The following DNM3 variants were observed in gnomAD, a reference collection of about 807,000 sequenced individuals.
The protein encoded by DNM3 is dynamin 3, also known as dynamin-3.
In DNM3, 47 loss-of-function variants were observed where a neutral mutation model predicts 101.6. The ratio of observed to expected loss-of-function variants is 0.46; its 90% confidence interval spans 0.37 to 0.59. The LOEUF (loss-of-function observed/expected upper bound fraction) is 0.59. DNM3 is among the 20% of genes least tolerant of loss of function. The probability of loss-of-function intolerance (pLI) is 0.00; values close to 1 mark genes in which losing one functional copy is unlikely to be tolerated. For missense variants in DNM3, 849 were observed against 1,085.7 expected (o/e 0.78, Z 3.06); for synonymous variants, 385 against 387.9 (o/e 0.99, Z 0.09).
At chr1:172,317,322 A>T (rs1177155698) in intron 16 of DNM3, among the ~76,000 whole-genome samples, 1 of 151,732 alleles carries the variant, frequency 6.6e-6, no homozygotes, top group Non-Finnish European at 1.5e-5. Flanking sequence ...CATCACAATT[A>T]AAAGAACTAG....
chr1:172,111,012 A>G (rs2055432594), intron 13 of DNM3, among the ~76,000 whole-genome samples: 1 of 152,238 alleles, frequency 6.6e-6, no homozygotes, highest in South Asian at 2.1e-4. Flanking sequence ...CTCCAGCCTG[A>G]GTGACAGAAT....
chr1:172,408,759 T>A lies in DNM3; in HGVS notation c.*918T>A, dbSNP rs958970797. On this transcript the variant is annotated 3_prime_UTR_variant, in exon 21 of 21. Coordinates refer to ENST00000627582, the MANE Select transcript of DNM3 (RefSeq NM_015569.5). ...TTATTATTTTGGTTGGAAAAAAAAT[T>A]CACTCTTTACGTGCTAATTTGTAAT... 3.0e-5 allele frequency: 30 copies of A among 985,160 alleles called. No homozygotes were observed. The highest frequency in any genetic ancestry group is 3.5e-5 in the Non-Finnish European group (29 of 829,824). The allele number at this position is 985,160 out of a possible 1,614,324, so 61.0% of individuals were successfully genotyped here.
intron 17 of DNM3, among the ~76,000 whole-genome samples, chr1:172,364,339 T>A (rs1022351639): frequency 2.6e-5 from 4 of 151,858 alleles, no homozygotes; most frequent in African/African-American, 9.7e-5. Flanking sequence ...GTATCTAGTC[T>A]GCATGTCAGT....
rs2049111613 is a variant in DNM3 at position 172,038,275 on chromosome 1, A to G, written c.850-44A>G. The G allele has an allele frequency of 5.0e-6, 8 of 1,609,608 alleles. No individual in the cohort carries two copies. In the Admixed American group the frequency reaches 8.4e-5, roughly 17 times the overall value. Reference sequence around the variant, plus strand: ...ATGAGTTAATCTTTAATCTGTGTATATGATTCAATCTTCAATCTGTGTGTA... The same window carrying G: ...ATGAGTTAATCTTTAATCTGTGTATGTGATTCAATCTTCAATCTGTGTGTA... On this transcript the variant is annotated intron_variant, in intron 6 of 20. Coordinates refer to ENST00000627582, the MANE Select transcript of DNM3 (RefSeq NM_015569.5).
intron 20 of DNM3, among the ~76,000 whole-genome samples, chr1:172,402,836 TC>T (rs1419493440): frequency 2.0e-5 from 3 of 152,226 alleles, no homozygotes; most frequent in Non-Finnish European, 4.4e-5. Flanking sequence ...CATTTCTTCA[TC>T]CTTCTTAAGA....
At chr1:172,119,627 A>G (rs1277345725) in intron 13 of DNM3, among the ~76,000 whole-genome samples, 1 of 152,010 alleles carries the variant, frequency 6.6e-6, no homozygotes, top group Non-Finnish European at 1.5e-5. Context: ...TCACACCCAC[A>G]GTTTTATTTA....
At chr1:172,253,943 A>AT (rs954369918) in intron 15 of DNM3, among the ~76,000 whole-genome samples, 45 of 148,702 alleles carry the variant, frequency 3.0e-4, no homozygotes, top group East Asian at 1.4e-3. Context: ...TTCTTCATCC[A>AT]TTTTTTTTTT....
At chr1:172,193,749 C>G (rs1285951396) in intron 14 of DNM3, among the ~76,000 whole-genome samples, 1 of 152,046 alleles carries the variant, frequency 6.6e-6, no homozygotes, top group Non-Finnish European at 1.5e-5. Flanking sequence ...ATTCTTCTCT[C>G]TTTTCTTCTT....
intron 14 of DNM3, among the ~76,000 whole-genome samples, chr1:172,211,494 TCTC>T (rs2060512973): frequency 6.6e-6 from 1 of 152,084 alleles, no homozygotes; most frequent in African/African-American, 2.4e-5. Context: ...TTTGCAGAAA[TCTC>T]CTCCACAATG....
At chr1:172,035,140 C>T (rs10910945) in intron 6 of DNM3, among the ~76,000 whole-genome samples, 42,255 of 151,800 alleles carry the variant, frequency 0.28, 6,119 homozygotes, top group East Asian at 0.48. Context: ...TAGATTAGAG[C>T]TGTTGGGTAA....
At chr1:172,400,662 G>C (rs556546273) in intron 20 of DNM3, among the ~76,000 whole-genome samples, 8 of 152,124 alleles carry the variant, frequency 5.3e-5, no homozygotes, top group African/African-American at 1.9e-4. Context: ...ATACTTAAAA[G>C]TTAATCTCGG....
chr1:171,915,819 A>T (rs951749695), intron 1 of DNM3, among the ~76,000 whole-genome samples: 13 of 152,290 alleles, frequency 8.5e-5, no homozygotes, highest in African/African-American at 3.1e-4. Flanking sequence ...TTTGAGTTCT[A>T]GTGTTTGGCT....
chr1:172,368,809 T>C (rs2068165938), intron 17 of DNM3, among the ~76,000 whole-genome samples: 1 of 151,850 alleles, frequency 6.6e-6, no homozygotes, highest in Non-Finnish European at 1.5e-5. Flanking sequence ...ATATTACAAC[T>C]GATACTTCAG....
At chr1:172,061,322 A>G (rs1162009960) in intron 10 of DNM3, among the ~76,000 whole-genome samples, 1 of 143,648 alleles carries the variant, frequency 7.0e-6, no homozygotes, top group Non-Finnish European at 1.5e-5. Flanking sequence ...TGGAGATACC[A>G]TTTGACCCAG....
chr1:172,078,870 C>T (rs2052899788), intron 11 of DNM3, among the ~76,000 whole-genome samples: 1 of 152,116 alleles, frequency 6.6e-6, no homozygotes. Context: ...TTTATTTTTC[C>T]TTCACTTATG....
intron 1 of DNM3, among the ~76,000 whole-genome samples, chr1:171,850,592 T>A (rs2032815131): frequency 6.6e-6 from 1 of 152,236 alleles, no homozygotes; most frequent in Non-Finnish European, 1.5e-5. Flanking sequence ...GTGAGATTTC[T>A]GCATTCTCAT....
At chr1:172,057,071 A>G (rs578146942) in intron 10 of DNM3, among the ~76,000 whole-genome samples, 1 of 152,268 alleles carries the variant, frequency 6.6e-6, no homozygotes, top group Non-Finnish European at 1.5e-5. Context: ...AGCCGATGTG[A>G]TCAACTGGAA....
intron 4 of DNM3, among the ~76,000 whole-genome samples, chr1:171,992,702 GT>G (rs2045719604): frequency 1.3e-5 from 2 of 152,034 alleles, no homozygotes; most frequent in Admixed American, 1.3e-4. Flanking sequence ...ACTTTTGAAA[GT>G]TTTGGTAGGA....
At chr1:171,900,252 T>C (rs1444734000) in intron 1 of DNM3, among the ~76,000 whole-genome samples, 1 of 152,120 alleles carries the variant, frequency 6.6e-6, no homozygotes, top group Non-Finnish European at 1.5e-5. Context: ...TTTGGGGTAC[T>C]TGTGATATAT....
Sources: gnomAD v4.1 joint callset for allele counts (sites outside exome capture counted in the v4.1 genomes callset) on GRCh38, gnomAD v4.1.1 for gene constraint, MANE v1.5 for transcripts, NCBI Gene and HGNC (gene_info 2026-07-23, HGNC 2026-07-21) for gene names.